The following SGCD variants were observed in gnomAD, a reference collection of about 807,000 sequenced individuals.
SGCD encodes the protein sarcoglycan delta, also known as delta-sarcoglycan.
In SGCD, 18 loss-of-function variants were observed where a neutral mutation model predicts 36.6. The observed-to-expected ratio is 0.49, with a 90% CI of 0.34 to 0.73. The LOEUF (loss-of-function observed/expected upper bound fraction) is 0.73. SGCD is among the 30% of genes least tolerant of loss of function. SGCD has a pLI of 0.01. For missense variants in SGCD, 387 were observed against 346.7 expected (o/e 1.12, Z -0.92); for synonymous variants, 133 against 130.6 (o/e 1.02, Z -0.12).
At chr5:156,456,403 C>T (rs1333100155) in intron 3 of SGCD, among the ~76,000 whole-genome samples, 1 of 152,126 alleles carries the variant, frequency 6.6e-6, no homozygotes, top group Admixed American at 6.6e-5. Flanking sequence ...AGGTCTTAAA[C>T]CAAAACAAGG....
intron 3 of SGCD, among the ~76,000 whole-genome samples, chr5:156,188,366 G>A (rs1763811542): frequency 6.6e-6 from 1 of 152,102 alleles, no homozygotes; most frequent in South Asian, 2.1e-4. Context: ...TAAATACTGT[G>A]AGAAAAATAA....
At chr5:155,784,098 A>G in the SGCD span, among the ~76,000 whole-genome samples, 1 of 152,134 alleles carries the variant, frequency 6.6e-6, no homozygotes, top group Non-Finnish European at 1.5e-5. Context: ...AGAAACAAAT[A>G]AAGATGAGGC....
At position 156,606,953 on chromosome 5, in the gene SGCD, G is replaced by A. The variant is rs1374207739; in HGVS notation, c.502+11902G>A. 5.9e-5 allele frequency among the ~76,000 whole-genome samples: 9 copies of A among 152,168 alleles called. No homozygotes were observed. In the South Asian group the frequency reaches 8.3e-4, roughly 14 times the overall value. On this transcript the variant is annotated intron_variant, in intron 6 of 8. Coordinates refer to ENST00000337851, the MANE Select transcript of SGCD (RefSeq NM_000337.6). ...GCTTAAGGAGATTTTGGGCTGAGAC[G>A]ATGGGGTTTTCTGGATATACAATCA...
intron 3 of SGCD, among the ~76,000 whole-genome samples, chr5:156,383,833 A>G (rs1771126168): frequency 6.6e-6 from 1 of 152,168 alleles, no homozygotes; most frequent in African/African-American, 2.4e-5. Context: ...ATGAGTCACC[A>G]GATGCCAGAT....
intron 3 of SGCD, among the ~76,000 whole-genome samples, chr5:156,160,178 C>T (rs1763056978): frequency 6.6e-6 from 1 of 151,472 alleles, no homozygotes; most frequent in Non-Finnish European, 1.5e-5. Flanking sequence ...AACACTATCT[C>T]AGAAAAGGAA....
intron 4 of SGCD, among the ~76,000 whole-genome samples, chr5:156,587,750 G>A (rs1236011533): frequency 6.6e-6 from 1 of 152,030 alleles, no homozygotes; most frequent in Non-Finnish European, 1.5e-5. Flanking sequence ...TAGCCCAAGT[G>A]TTCATTCCTT....
chr5:156,294,853 T>G (rs985385058), intron 3 of SGCD, among the ~76,000 whole-genome samples: 24 of 152,300 alleles, frequency 1.6e-4, no homozygotes, highest in African/African-American at 5.5e-4. Flanking sequence ...TAGTTTATAA[T>G]CTTTACAATA....
chr5:156,226,119 T>G (rs1764850202), intron 3 of SGCD, among the ~76,000 whole-genome samples: 1 of 152,148 alleles, frequency 6.6e-6, no homozygotes, highest in South Asian at 2.1e-4. Context: ...TTTGGTTACA[T>G]GAGTAAGTTC....
chr5:156,570,002 C>T (rs1759654845), intron 4 of SGCD, among the ~76,000 whole-genome samples: 1 of 151,848 alleles, frequency 6.6e-6, no homozygotes, highest in Non-Finnish European at 1.5e-5. Context: ...ATTTTTTTCC[C>T]CCATGAGAGT....
At chr5:156,091,979 A>C (rs1268365556) in intron 1 of SGCD, among the ~76,000 whole-genome samples, 1 of 152,214 alleles carries the variant, frequency 6.6e-6, no homozygotes, top group Non-Finnish European at 1.5e-5. Context: ...GGAGAAGCAC[A>C]TCCAGATCTA....
intron 3 of SGCD, among the ~76,000 whole-genome samples, chr5:156,266,723 C>G (rs181200499): frequency 2.0e-5 from 3 of 151,556 alleles, no homozygotes; most frequent in African/African-American, 7.3e-5. Flanking sequence ...ATAGATCTTC[C>G]CACCTCAGCC....
chr5:156,128,924 A>G (rs1440761898), intron 3 of SGCD, among the ~76,000 whole-genome samples: 4 of 152,342 alleles, frequency 2.6e-5, no homozygotes, highest in South Asian at 4.1e-4. Flanking sequence ...ACAAATCTCA[A>G]AAATAGTATG....
intron 3 of SGCD, among the ~76,000 whole-genome samples, chr5:156,158,208 G>A (rs1763009603): frequency 6.6e-6 from 1 of 151,552 alleles, no homozygotes; most frequent in South Asian, 2.1e-4. Context: ...TATAGGATAA[G>A]GGTTTCGAAT....
chr5:156,247,318 G>C (rs887989177), intron 3 of SGCD, among the ~76,000 whole-genome samples: 4 of 152,144 alleles, frequency 2.6e-5, no homozygotes, highest in African/African-American at 7.2e-5. Flanking sequence ...TGTAAAAGGG[G>C]CTCCTGACTT....
At chr5:156,674,635 A>G (rs1212299923) in intron 7 of SGCD, among the ~76,000 whole-genome samples, 1 of 152,140 alleles carries the variant, frequency 6.6e-6, no homozygotes, top group Admixed American at 6.5e-5. Context: ...TAACTAAATA[A>G]TACTCAGGTC....
chr5:156,220,128 C>G (rs547172903), intron 3 of SGCD, among the ~76,000 whole-genome samples: 7 of 152,264 alleles, frequency 4.6e-5, no homozygotes, highest in Admixed American at 3.9e-4. Context: ...TTCATACGTG[C>G]TGGAGCTGTC....
the SGCD span, among the ~76,000 whole-genome samples, chr5:155,863,467 C>G: frequency 6.6e-6 from 1 of 151,950 alleles, no homozygotes; most frequent in African/African-American, 2.4e-5. Flanking sequence ...TCCTTACCTT[C>G]AGGTTTAACT....
intron 2 of SGCD, among the ~76,000 whole-genome samples, chr5:156,342,176 T>G (rs1768692687): frequency 6.6e-6 from 1 of 152,232 alleles, no homozygotes; most frequent in Non-Finnish European, 1.5e-5. Context: ...TTATAAACAT[T>G]TATTGAACAT....
chr5:156,681,836 C>T (rs1753734407), intron 7 of SGCD, among the ~76,000 whole-genome samples: 1 of 152,206 alleles, frequency 6.6e-6, no homozygotes, highest in African/African-American at 2.4e-5. Context: ...GATTTATTCT[C>T]AATTTGAGGT....
Sources: gnomAD v4.1 joint callset for allele counts (sites outside exome capture counted in the v4.1 genomes callset) on GRCh38, gnomAD v4.1.1 for gene constraint, MANE v1.5 for transcripts, NCBI Gene and HGNC (gene_info 2026-07-23, HGNC 2026-07-21) for gene names.